Variants in EPHA7 observed in about 807,000 individuals in gnomAD.
EPHA7 encodes the protein EPH receptor A7.
EPHA7 carries 25 observed loss-of-function variants against 112.6 expected under a neutral mutation model. That is an observed-to-expected ratio of 0.22 (90% confidence interval 0.16 to 0.31). The LOEUF (loss-of-function observed/expected upper bound fraction) is 0.31, where lower values mean the gene tolerates loss of function less well. Among genes scored for constraint, EPHA7 ranks in the 10% least tolerant of loss-of-function variants. The pLI, the probability that EPHA7 is intolerant of heterozygous loss-of-function variation, is 1.00. For missense variants in EPHA7, 962 were observed against 1,212.6 expected, an observed-to-expected ratio of 0.79 and a Z score of 3.07; for synonymous variants, 437 against 406.5, an observed-to-expected ratio of 1.07 and a Z score of -0.90.
chr6:93,268,015 G>T (rs576686924), intron 7 of EPHA7, among the ~76,000 whole-genome samples: 1 of 151,548 alleles, frequency 6.6e-6, no homozygotes, highest in Non-Finnish European at 1.5e-5. Context: ...AAAATTACTA[G>T]AGCACATTTT....
intron 3 of EPHA7, among the ~76,000 whole-genome samples, chr6:93,399,249 T>C (rs1391498606): frequency 6.6e-6 from 1 of 152,064 alleles, no homozygotes; most frequent in Admixed American, 6.6e-5. Flanking sequence ...TGTGTTCTTT[T>C]GTTCTAAAAT....
At position 93,241,246 on chromosome 6, in the gene EPHA7, AG is replaced by A. The variant is rs1769676999; in HGVS notation, c.*2179del. The A allele has an allele frequency of 4.6e-6, 1 of 219,558 alleles. No homozygotes were observed. 13.6% of individuals were successfully genotyped at this position (219,558 alleles called of 1,614,324 possible). On this transcript the variant is annotated 3_prime_UTR_variant, in exon 17 of 17. Coordinates refer to ENST00000369303, the MANE Select transcript of EPHA7 (RefSeq NM_004440.4). ...AGCACCTTAAGCTATGAACAAGAAA[AG>A]AACTTCATTATTAGTGAGTCTAGAA...
intron 5 of EPHA7, among the ~76,000 whole-genome samples, chr6:93,319,600 A>G (rs953069694): frequency 9.2e-5 from 14 of 152,090 alleles, no homozygotes; most frequent in East Asian, 3.9e-4. Context: ...CAGAGGAACA[A>G]AATGGTCTAT....
chr6:93,342,977 T>A (rs890187500), intron 5 of EPHA7, among the ~76,000 whole-genome samples: 7 of 151,704 alleles, frequency 4.6e-5, no homozygotes, highest in African/African-American at 1.7e-4. Flanking sequence ...GCATATGGAA[T>A]TCACAAAAAA....
At position 93,410,031 on chromosome 6, in the gene EPHA7, T is replaced by C. The variant is rs1778902656; in HGVS notation, c.832+470A>G. The stretch of plus-strand genomic sequence containing the variant: ...TAAGATAATTCTAAAAGTTTGTAAA[T>C]ATATTCGTTTATGCCCTGCCTGTCA... On this transcript the variant is annotated intron_variant, in intron 3 of 16. Transcript: ENST00000369303. This position sits in a 1 kb window ranked among gnomAD's most constrained non-coding sequence, Gnocchi z 4.0. The C allele has an allele frequency of 6.5e-6, 1 of 152,998 alleles. No individual in the cohort carries two copies. Among genetic ancestry groups the C allele is most frequent in the African/African-American group, 2.4e-5 (1 of 41,406 alleles). 9.5% of individuals were successfully genotyped at this position (152,998 alleles called of 1,614,324 possible).
intron 5 of EPHA7, among the ~76,000 whole-genome samples, chr6:93,302,451 T>C (rs1311285239): frequency 1.1e-4 from 16 of 152,112 alleles, no homozygotes; most frequent in Admixed American, 1.0e-3. Flanking sequence ...ACTCTTTTTA[T>C]ACTTAACAAT....
intron 5 of EPHA7, among the ~76,000 whole-genome samples, chr6:93,351,386 C>T (rs928444305): frequency 8.6e-5 from 13 of 151,980 alleles, no homozygotes; most frequent in African/African-American, 2.9e-4. Context: ...AAAACTCATG[C>T]ACGCTAATCT....
At chr6:93,315,064 G>A (rs1006374321) in intron 5 of EPHA7, among the ~76,000 whole-genome samples, 1 of 150,232 alleles carries the variant, frequency 6.7e-6, no homozygotes, top group East Asian at 2.0e-4. Flanking sequence ...GGGTTTCACC[G>A]TGTTAGCCAG....
At chr6:93,288,527 T>G (rs1028081008) in intron 5 of EPHA7, among the ~76,000 whole-genome samples, 2 of 152,212 alleles carry the variant, frequency 1.3e-5, no homozygotes, top group Non-Finnish European at 2.9e-5. Flanking sequence ...ATTATACATT[T>G]GAACTGGGTG....
rs950314631 is a variant in EPHA7, at chr6:93,324,393, G to T, written c.1324+32324C>A. Among the ~76,000 whole-genome samples, 4 of 151,312 alleles carry T rather than the reference G, an allele frequency of 2.6e-5. No homozygotes were observed. The East Asian group carries it at 7.8e-4, about 29-fold the overall frequency. On this transcript the variant is annotated intron_variant, in intron 5 of 16. Transcript: ENST00000369303. ...ATCCTCATAAACATCAGTGCCACTA[G>T]ATTTTCTAGCTTGGGGAAGTCATCT...
chr6:93,350,946 T>C (rs1273342513), intron 5 of EPHA7, among the ~76,000 whole-genome samples: 2 of 152,080 alleles, frequency 1.3e-5, no homozygotes, highest in African/African-American at 4.8e-5. Context: ...ATTCATCCAG[T>C]TCATACCATT....
At position 93,273,412 on chromosome 6, in the gene EPHA7, CTGACAGAAAAGCAATTA is replaced by C. The variant is rs549217494; in HGVS notation, c.1325-1007_1325-991del. On this transcript the variant is annotated intron_variant, in intron 5 of 16. Coordinates refer to ENST00000369303, the MANE Select transcript of EPHA7 (RefSeq NM_004440.4). ...ATGTCTGAAACTGTTAATAATCCTG[CTGACAGAAAAGCAATTA>C]TATGGGACCAAGCCGTTTAAGCAAC... Among the ~76,000 whole-genome samples the C allele has an allele frequency of 2.1e-3, 313 of 152,042 alleles. 1 individual carries two copies. The highest frequency in any genetic ancestry group is 7.2e-3 in the African/African-American group (298 of 41,498).
chr6:93,244,981 C>T lies in EPHA7; in HGVS notation c.2882+317G>A, dbSNP rs534243179. Among the ~76,000 whole-genome samples the T allele has an allele frequency of 1.6e-4, 25 of 152,162 alleles. No individual in the cohort carries two copies. The South Asian group carries it at 5.2e-3, about 32-fold the overall frequency. The stretch of plus-strand genomic sequence containing the variant: ...GTGTTTAGAACACCAGCTATGGAGC[C>T]AAATTAGTTATTACTTACTAGTTAA... On this transcript the variant is annotated intron_variant, in intron 16 of 16. Transcript: ENST00000369303.
intron 3 of EPHA7, among the ~76,000 whole-genome samples, chr6:93,377,893 T>C (rs1777141023): frequency 6.6e-6 from 1 of 152,268 alleles, no homozygotes; most frequent in East Asian, 1.9e-4. Flanking sequence ...GGGTACTTCT[T>C]ATGTTCTTAT....
At chr6:93,369,264 A>T (rs1776665803) in intron 3 of EPHA7, among the ~76,000 whole-genome samples, 1 of 151,462 alleles carries the variant, frequency 6.6e-6, no homozygotes, top group Admixed American at 6.6e-5. Flanking sequence ...AAGAATTCTG[A>T]CTGTATTTTC....
intron 5 of EPHA7, among the ~76,000 whole-genome samples, chr6:93,322,437 C>A (rs577171054): frequency 4.0e-5 from 6 of 151,650 alleles, no homozygotes; most frequent in Admixed American, 1.3e-4. Context: ...TAAAGCCCCC[C>A]AGGAAGGCCA....
intron 5 of EPHA7, among the ~76,000 whole-genome samples, chr6:93,320,363 A>T (rs944148833): frequency 2.6e-5 from 4 of 152,092 alleles, no homozygotes; most frequent in African/African-American, 9.7e-5. Context: ...TCAGTATATT[A>T]GTTTTTCATT....
chr6:93,272,471 C>G, intron 5 of EPHA7, 49 bp from the exon 6 acceptor site: 1 of 1,605,740 alleles, frequency 6.2e-7, no homozygotes, highest in Non-Finnish European at 8.5e-7. Flanking sequence ...TCACTGGATG[C>G]CTCAAATCAA....
At chr6:93,281,370 G>A (rs1287251748) in intron 5 of EPHA7, among the ~76,000 whole-genome samples, 8 of 152,210 alleles carry the variant, frequency 5.3e-5, no homozygotes, top group Admixed American at 2.0e-4. Context: ...AACTACTTTC[G>A]TACTTTTACA....
Sources: gnomAD v4.1 joint callset for allele counts (sites outside exome capture counted in the v4.1 genomes callset) on GRCh38, gnomAD v4.1.1 for gene constraint, Gnocchi (gnomAD v3.1) non-coding constraint, MANE v1.5 for transcripts, NCBI Gene and HGNC (gene_info 2026-07-23, HGNC 2026-07-21) for gene names.